Variants in ABHD3 observed in about 807,000 individuals in gnomAD.
ABHD3 encodes the protein phospholipase ABHD3.
In ABHD3, 46 loss-of-function variants were observed where a neutral mutation model predicts 48.8. The observed-to-expected ratio is 0.94, with a 90% CI of 0.74 to 1.20. ABHD3 has a LOEUF of 1.20. ABHD3 is among the 50% of genes most tolerant of loss of function. The pLI, the probability that ABHD3 is intolerant of heterozygous loss-of-function variation, is 0.00. For synonymous variants in ABHD3, 192 were observed against 183.7 expected, an observed-to-expected ratio of 1.04 and a Z score of -0.36; for missense variants, 490 against 497.8, an observed-to-expected ratio of 0.98 and a Z score of 0.15.
At chr18:21,686,860 C>G (rs2040138943) in intron 3 of ABHD3, among the ~76,000 whole-genome samples, 1 of 152,212 alleles carries the variant, frequency 6.6e-6, no homozygotes, top group African/African-American at 2.4e-5. Flanking sequence ...GAACACTGAA[C>G]TAAAAGGGCT....
In ABHD3 at chr18:21,651,529, G is replaced by A; in HGVS notation, c.*62C>T. 1.3e-6 allele frequency: 2 copies of A among 1,590,568 alleles called. No individual in the cohort carries two copies. Among genetic ancestry groups the A allele is most frequent in the Non-Finnish European group, 1.7e-6 (2 of 1,163,030 alleles). ...TTTATATACAACAGTTAAAATTTGT[G>A]CACTAAGCTGAGCTGCCTTCACAAT... On this transcript the variant is annotated 3_prime_UTR_variant, in exon 9 of 9. Coordinates refer to ENST00000289119, the MANE Select transcript of ABHD3 (RefSeq NM_138340.5).
intron 8 of ABHD3, chr18:21,655,004 G>A (rs578025781): frequency 6.6e-6 from 1 of 152,278 alleles, no homozygotes; most frequent in Non-Finnish European, 1.5e-5. Flanking sequence ...CAATCACCAT[G>A]TAAGTCAACT....
intron 3 of ABHD3, among the ~76,000 whole-genome samples, chr18:21,692,985 G>A (rs765706928): frequency 1.4e-4 from 21 of 152,142 alleles, no homozygotes; most frequent in Non-Finnish European, 2.2e-4. Flanking sequence ...GGACAATGTC[G>A]ATTCCAGCGG....
intron 2 of ABHD3, 74 bp from the exon 3 acceptor site, chr18:21,702,572 T>A (rs1008475494): frequency 2.4e-6 from 3 of 1,247,082 alleles, no homozygotes; most frequent in Non-Finnish European, 3.2e-6. Flanking sequence ...TCTAAACACA[T>A]GACATTATTT....
chr18:21,673,022 T>G (rs1220666698), intron 4 of ABHD3, among the ~76,000 whole-genome samples: 1 of 152,172 alleles, frequency 6.6e-6, no homozygotes, highest in Non-Finnish European at 1.5e-5. Context: ...TGATGTCAGG[T>G]TATACAAGCT....
At chr18:21,675,619 G>C (rs72884799) in intron 4 of ABHD3, among the ~76,000 whole-genome samples, 3 of 152,024 alleles carry the variant, frequency 2.0e-5, no homozygotes, top group Non-Finnish European at 4.4e-5. Context: ...CTCTGAAGTA[G>C]AGCCATTCAA....
intron 5 of ABHD3, among the ~76,000 whole-genome samples, chr18:21,660,772 C>G (rs1372588340): frequency 6.6e-6 from 1 of 152,094 alleles, no homozygotes; most frequent in Non-Finnish European, 1.5e-5. Flanking sequence ...ACTGAACTAT[C>G]TGTATACAGT....
At chr18:21,655,303 T>TC (rs762937924) in intron 8 of ABHD3, among the ~76,000 whole-genome samples, 1 of 147,206 alleles carries the variant, frequency 6.8e-6, no homozygotes, top group Non-Finnish European at 1.5e-5. Context: ...TTTTTTTTTT[T>TC]CCAAGATAGA....
intron 3 of ABHD3, among the ~76,000 whole-genome samples, chr18:21,696,528 T>C (rs1400410862): frequency 1.3e-5 from 2 of 152,188 alleles, no homozygotes; most frequent in Admixed American, 6.6e-5. Context: ...ATATTATTAA[T>C]GTACATAAAA....
intron 5 of ABHD3, among the ~76,000 whole-genome samples, chr18:21,659,962 CTTTTTTT>C (rs60634505): frequency 1.4e-5 from 1 of 73,840 alleles, no homozygotes; most frequent in African/African-American, 7.9e-5. Flanking sequence ...TGCACCCGGC[CTTTTTTT>C]TTTTTTTTTT....
intron 5 of ABHD3, chr18:21,663,728 G>A (rs769743947): frequency 2.0e-6 from 3 of 1,535,580 alleles, no homozygotes; most frequent in South Asian, 2.4e-5. Context: ...AGCAATAAGT[G>A]ATTATTTCTG....
intron 4 of ABHD3, among the ~76,000 whole-genome samples, chr18:21,671,025 T>G (rs114568881): frequency 6.6e-6 from 1 of 151,884 alleles, no homozygotes; most frequent in South Asian, 2.1e-4. Flanking sequence ...AAAAAATAAA[T>G]AAATGTCACA....
intron 4 of ABHD3, among the ~76,000 whole-genome samples, chr18:21,674,330 C>T (rs1321794599): frequency 6.6e-6 from 1 of 151,878 alleles, no homozygotes; most frequent in Non-Finnish European, 1.5e-5. Context: ...CAGCCTCAAC[C>T]TCCTGGGCTC....
intron 4 of ABHD3, among the ~76,000 whole-genome samples, chr18:21,668,972 CAGGTACTCGGGAGGCTG>C (rs1292145108): frequency 6.6e-6 from 1 of 152,088 alleles, no homozygotes; most frequent in Non-Finnish European, 1.5e-5. Context: ...CCTGTAGTCC[CAGGTACTCGGGAGGCTG>C]AGGTGGGCCA....
intron 4 of ABHD3, among the ~76,000 whole-genome samples, chr18:21,678,269 T>G (rs540576127): frequency 4.3e-4 from 65 of 152,306 alleles, no homozygotes; most frequent in Middle Eastern, 3.4e-3. Flanking sequence ...TATAAGTTAT[T>G]GTGAGAACAT....
chr18:21,703,842 C>A (rs1478517823), intron 1 of ABHD3, 95 bp from the exon 2 acceptor site: 1 of 1,388,692 alleles, frequency 7.2e-7, no homozygotes, highest in Non-Finnish European at 9.9e-7. Context: ...CGCGCGCGCG[C>A]TTCCTCCGAT....
At chr18:21,672,864 C>CA (rs35956259) in intron 4 of ABHD3, among the ~76,000 whole-genome samples, 76,643 of 151,952 alleles carry the variant, frequency 0.5, 22,455 homozygotes, top group African/African-American at 0.81. Flanking sequence ...ATTAAATGAC[C>CA]ATTGTCTAAA....
chr18:21,651,517 G>C lies in ABHD3; in HGVS notation c.*74C>G. The C allele has an allele frequency of 1.9e-6, 3 of 1,567,736 alleles. No individual in the cohort carries two copies. The highest frequency in any genetic ancestry group is 2.6e-6 in the Non-Finnish European group (3 of 1,146,584). On this transcript the variant is annotated 3_prime_UTR_variant, in exon 9 of 9. Transcript: ENST00000289119. ...TGGCTTATTTGCTTTATATACAACA[G>C]TTAAAATTTGTGCACTAAGCTGAGC...
rs1323127870 is a variant in ABHD3, at chr18:21,683,777, T to TACAAAAA, written c.555+142_555+143insTTTTTGT. 3.8e-6 allele frequency: 3 copies of TACAAAAA among 786,984 alleles called. No individual in the cohort carries two copies. The African/African-American group carries it at 5.4e-5, about 14-fold the overall frequency. 48.8% of individuals were successfully genotyped at this position (786,984 alleles called of 1,614,324 possible). ...TTATCGGTCTTGTAAATTTCCTTTT[T>TACAAAAA]TTCCATATCTGTATTTTTGTATAAT... On this transcript the variant is annotated intron_variant, in intron 4 of 8. Transcript: ENST00000289119.
Sources: gnomAD v4.1 joint callset for allele counts (sites outside exome capture counted in the v4.1 genomes callset) on GRCh38, gnomAD v4.1.1 for gene constraint, MANE v1.5 for transcripts, NCBI Gene and HGNC (gene_info 2026-07-23, HGNC 2026-07-21) for gene names.